Variants in TMEM45B observed in about 807,000 individuals in gnomAD.
TMEM45B encodes transmembrane protein 45B.
In TMEM45B, 29 loss-of-function variants were observed where a neutral mutation model predicts 27.3. That is an observed-to-expected ratio of 1.06 (90% CI 0.79 to 1.45). The LOEUF (loss-of-function observed/expected upper bound fraction) is 1.45, where lower values mean the gene tolerates loss of function less well. Among genes scored for constraint, TMEM45B ranks in the 40% most tolerant of loss-of-function variants. TMEM45B has a pLI of 0.00. For missense variants in TMEM45B, 348 were observed against 343.9 expected (o/e 1.01, Z -0.09); for synonymous variants, 143 against 134.7 (o/e 1.06, Z -0.43).
intron 1 of TMEM45B, among the ~76,000 whole-genome samples, chr11:129,832,646 G>A (rs1947564371): frequency 6.6e-6 from 1 of 151,800 alleles, no homozygotes; most frequent in South Asian, 2.1e-4. Flanking sequence ...TATAAAATTA[G>A]ATAGCAATAA....
rs754589321 is a variant in TMEM45B, at chr11:129,852,624, G to A, written c.142G>A (p.Val48Ile). 28 of 1,612,042 alleles carry A rather than the reference G, an allele frequency of 1.7e-5. No homozygotes were observed. The highest frequency in any genetic ancestry group is 1.1e-4 in the East Asian group (5 of 44,830). The change falls in exon 2 of 6, where the codon GTC becomes ATC. Residue 48 changes from valine (V) to isoleucine (I), a missense_variant. By Grantham distance (29) the Val-to-Ile change is conservative. Coordinates refer to ENST00000281441, the MANE Select transcript of TMEM45B (RefSeq NM_138788.5). ...PLHYYQRLEI[V>I]EAAIRTLFSV... ...ACATTACTATCAGCGTCTCGAGATC[G>A]TCGAAGCCGCAATTAGGACTTTGTT...
chr11:129,815,970 A>G, intron 1 of TMEM45B, 72 bp downstream of exon 1: 1 of 1,257,702 alleles, frequency 8.0e-7, no homozygotes, highest in Admixed American at 4.2e-5. Context: ...CCCGCCAAGG[A>G]GCGGGGCTGT....
chr11:129,843,620 G>C (rs1234587103), intron 1 of TMEM45B, among the ~76,000 whole-genome samples: 1 of 142,906 alleles, frequency 7.0e-6, no homozygotes, highest in Non-Finnish European at 1.5e-5. Context: ...AAAAAAAAAA[G>C]TGGGCAAAGG....
chr11:129,851,543 C>CAAAAAAAAAAA lies in TMEM45B; in HGVS notation c.-8-927_-8-917dup, dbSNP rs71057982. ...TGGGTGACAGAGTGAAACTCTGCCT[C>CAAAAAAAAAAA]AAAAAAAAAAAAAAAGTCCCCTTCT... On this transcript the variant is annotated intron_variant, in intron 1 of 5. Transcript: ENST00000281441. 1.1e-3 allele frequency among the ~76,000 whole-genome samples: 61 copies of CAAAAAAAAAAA among 54,928 alleles called. 2 individuals carry two copies. The highest frequency in any genetic ancestry group is 3.0e-3 in the African/African-American group (43 of 14,286). The allele number at this position is 54,928 out of a possible 152,430, so 36.0% of individuals were successfully genotyped here.
intron 1 of TMEM45B, among the ~76,000 whole-genome samples, chr11:129,816,493 A>G (rs1265279268): frequency 6.6e-6 from 1 of 152,164 alleles, no homozygotes; most frequent in Non-Finnish European, 1.5e-5. Context: ...CCCCCGAGCC[A>G]GTGCTTAGCT....
chr11:129,822,442 G>C (rs148394462), intron 1 of TMEM45B, among the ~76,000 whole-genome samples: 105 of 152,316 alleles, frequency 6.9e-4, no homozygotes, highest in African/African-American at 2.3e-3. Flanking sequence ...CTTCATTGCA[G>C]GGTGGTTAAG....
chr11:129,825,380 G>A (rs1259278146), intron 1 of TMEM45B, among the ~76,000 whole-genome samples: 2 of 152,208 alleles, frequency 1.3e-5, no homozygotes, highest in Non-Finnish European at 2.9e-5. Flanking sequence ...TGGGATATGA[G>A]AAGAGAAGCC....
At chr11:129,848,100 C>T (rs1419021622) in intron 1 of TMEM45B, among the ~76,000 whole-genome samples, 1 of 151,850 alleles carries the variant, frequency 6.6e-6, no homozygotes, top group African/African-American at 2.4e-5. Flanking sequence ...ACACTCCTCA[C>T]TTCCCAGACG....
At chr11:129,848,197 C>T (rs1445723962) in intron 1 of TMEM45B, among the ~76,000 whole-genome samples, 4 of 152,108 alleles carry the variant, frequency 2.6e-5, no homozygotes, top group Admixed American at 6.5e-5. Context: ...GCCGAGATCA[C>T]GCCACTGCAC....
chr11:129,824,596 C>T (rs1229105065), intron 1 of TMEM45B, among the ~76,000 whole-genome samples: 1 of 152,182 alleles, frequency 6.6e-6, no homozygotes, highest in South Asian at 2.1e-4. Flanking sequence ...ATGGTGTTCT[C>T]TTGATTCAAG....
chr11:129,822,173 G>A (rs777227936), intron 1 of TMEM45B, among the ~76,000 whole-genome samples: 7 of 152,032 alleles, frequency 4.6e-5, no homozygotes, highest in South Asian at 2.1e-4. Flanking sequence ...TTTTATTGGC[G>A]AGAGGTGTGG....
intron 1 of TMEM45B, among the ~76,000 whole-genome samples, chr11:129,822,918 G>C (rs551848622): frequency 5.4e-5 from 8 of 147,630 alleles, no homozygotes; most frequent in African/African-American, 2.0e-4. Flanking sequence ...TCAGCTCACT[G>C]CAAGCTCCGC....
At chr11:129,845,093 A>G (rs539452980) in intron 1 of TMEM45B, among the ~76,000 whole-genome samples, 105 of 152,334 alleles carry the variant, frequency 6.9e-4, no homozygotes, top group African/African-American at 1.9e-3. Flanking sequence ...TTGCCACACC[A>G]TTAGTTTATA....
chr11:129,831,934 C>T (rs374446103), intron 1 of TMEM45B, among the ~76,000 whole-genome samples: 3 of 152,172 alleles, frequency 2.0e-5, no homozygotes, highest in African/African-American at 7.2e-5. Flanking sequence ...GGCATACTGG[C>T]GGATGCCTGT....
At chr11:129,826,571 A>C (rs1947485525) in intron 1 of TMEM45B, among the ~76,000 whole-genome samples, 2 of 135,300 alleles carry the variant, frequency 1.5e-5, no homozygotes, top group African/African-American at 5.6e-5. Flanking sequence ...AAAAAAAAGG[A>C]CCCTGAGAGG....
At position 129,858,598 on chromosome 11, in the gene TMEM45B, C is replaced by T. The variant is rs145194495; in HGVS notation, c.741C>T (p.His247=). ...VYCLLTRMKR[H]GRGEIIGIQK... ...GCCTTTTGACTCGGATGAAGAGACA[C>T]GGAAGGGGAGAAATCATTGGAATTC... is the stretch of plus-strand genomic sequence containing the variant. The change falls in exon 6 of 6, where the codon CAC becomes CAT. Residue 247 remains histidine (H), a synonymous_variant. Coordinates refer to ENST00000281441, the MANE Select transcript of TMEM45B (RefSeq NM_138788.5). 61 of 1,587,716 alleles carry T rather than the reference C, an allele frequency of 3.8e-5. No individual in the cohort carries two copies. Among genetic ancestry groups the T allele is most frequent in the African/African-American group, 1.2e-4 (9 of 74,692 alleles).
chr11:129,828,642 T>A (rs1402521951), intron 1 of TMEM45B, among the ~76,000 whole-genome samples: 1 of 152,222 alleles, frequency 6.6e-6, no homozygotes, highest in Non-Finnish European at 1.5e-5. Context: ...CTGAGTCAGG[T>A]AGGTTTGGCT....
intron 1 of TMEM45B, among the ~76,000 whole-genome samples, chr11:129,845,615 C>G (rs527345771): frequency 6.6e-6 from 1 of 151,642 alleles, no homozygotes; most frequent in African/African-American, 2.4e-5. Context: ...CACGGAGGAA[C>G]AAAAAAATGC....
chr11:129,850,972 T>G (rs1208519852), intron 1 of TMEM45B, among the ~76,000 whole-genome samples: 2 of 152,252 alleles, frequency 1.3e-5, no homozygotes, highest in Admixed American at 1.3e-4. Flanking sequence ...TGTTATAAAC[T>G]CCTCTGGTAC....
Sources: allele counts gnomAD v4.1 joint callset (sites outside exome capture counted in the v4.1 genomes callset), GRCh38; gene constraint gnomAD v4.1.1; transcripts MANE v1.5; gene names NCBI Gene and HGNC (gene_info 2026-07-23, HGNC 2026-07-21).